Variants in ZNF804A observed in about 807,000 individuals in gnomAD.
ZNF804A encodes zinc finger protein 804A.
In ZNF804A, 2 loss-of-function variants were observed where a neutral mutation model predicts 16.5. The observed-to-expected ratio is 0.12, with a 90% CI of 0.05 to 0.38. ZNF804A has a LOEUF of 0.38. ZNF804A is among the 10% of genes least tolerant of loss of function. ZNF804A has a pLI of 0.99. For synonymous variants in ZNF804A, 534 were observed against 489.6 expected (o/e 1.09, Z -1.20); for missense variants, 1,473 against 1,390.7 (o/e 1.06, Z -0.94).
At chr2:184,822,554 C>A (rs539487647) in intron 1 of ZNF804A, among the ~76,000 whole-genome samples, 1 of 152,078 alleles carries the variant, frequency 6.6e-6, no homozygotes, top group African/African-American at 2.4e-5. Flanking sequence ...AGGAGACATA[C>A]ATGAGATTGA....
chr2:184,744,076 G>C (rs1693748739), intron 1 of ZNF804A, among the ~76,000 whole-genome samples: 1 of 151,712 alleles, frequency 6.6e-6, no homozygotes, highest in African/African-American at 2.4e-5. Flanking sequence ...TTGTTAATGG[G>C]CACAAATAAC....
At chr2:184,704,834 TA>T (rs1225146241) in intron 1 of ZNF804A, among the ~76,000 whole-genome samples, 3 of 152,202 alleles carry the variant, frequency 2.0e-5, no homozygotes, top group African/African-American at 7.2e-5. Flanking sequence ...CACTGGTCGC[TA>T]ACAACTGACT....
At chr2:184,833,312 G>C (rs1695294828) in intron 1 of ZNF804A, among the ~76,000 whole-genome samples, 1 of 151,894 alleles carries the variant, frequency 6.6e-6, no homozygotes, top group Admixed American at 6.6e-5. Flanking sequence ...GTTCCTTAAT[G>C]ATTCCTTATT....
intron 1 of ZNF804A, among the ~76,000 whole-genome samples, chr2:184,622,617 A>G (rs1691436965): frequency 6.6e-6 from 1 of 151,828 alleles, no homozygotes; most frequent in South Asian, 2.1e-4. Context: ...CTTTTTGTCG[A>G]TTTCAATAAT....
At chr2:184,695,109 C>T (rs908866689) in intron 1 of ZNF804A, among the ~76,000 whole-genome samples, 5 of 152,108 alleles carry the variant, frequency 3.3e-5, no homozygotes, top group African/African-American at 1.2e-4. Flanking sequence ...AATGGAAATA[C>T]CTTAGTTTAT....
At chr2:184,889,258 G>T (rs1684944970) in intron 2 of ZNF804A, among the ~76,000 whole-genome samples, 2 of 150,316 alleles carry the variant, frequency 1.3e-5, no homozygotes, top group Non-Finnish European at 1.5e-5. Context: ...TTTTAACCTT[G>T]TTTTAAGGAT....
At chr2:184,781,984 T>G (rs555655711) in intron 1 of ZNF804A, among the ~76,000 whole-genome samples, 2 of 151,966 alleles carry the variant, frequency 1.3e-5, no homozygotes, top group African/African-American at 4.8e-5. Flanking sequence ...TGGCCATTTC[T>G]TCTTGTATCT....
At chr2:184,697,659 T>A (rs1006037264) in intron 1 of ZNF804A, among the ~76,000 whole-genome samples, 3 of 152,102 alleles carry the variant, frequency 2.0e-5, no homozygotes, top group African/African-American at 7.2e-5. Flanking sequence ...TCAAAATAGT[T>A]TAGTTGTCCT....
chr2:184,698,218 G>A (rs942781485), intron 1 of ZNF804A, among the ~76,000 whole-genome samples: 2 of 151,986 alleles, frequency 1.3e-5, no homozygotes, highest in Admixed American at 1.3e-4. Flanking sequence ...GATGTATACA[G>A]TTTAGTTTGC....
At chr2:184,927,715 T>C (rs1180543956) in intron 2 of ZNF804A, among the ~76,000 whole-genome samples, 1 of 152,162 alleles carries the variant, frequency 6.6e-6, no homozygotes, top group African/African-American at 2.4e-5. Context: ...TTCCCATTTA[T>C]GCCTCCCATT....
At chr2:184,873,169 T>A (rs1027209897) in intron 2 of ZNF804A, among the ~76,000 whole-genome samples, 2 of 152,194 alleles carry the variant, frequency 1.3e-5, no homozygotes, top group African/African-American at 4.8e-5. Flanking sequence ...ATCTAGGGAA[T>A]TATTTTTGTG....
intron 1 of ZNF804A, among the ~76,000 whole-genome samples, chr2:184,742,228 T>A (rs1693719183): frequency 6.6e-6 from 1 of 152,044 alleles, no homozygotes; most frequent in African/African-American, 2.4e-5. Flanking sequence ...ATCATTATGA[T>A]AATAAGCTTA....
chr2:184,849,442 T>C (rs1447665120), intron 1 of ZNF804A, among the ~76,000 whole-genome samples: 1 of 151,990 alleles, frequency 6.6e-6, no homozygotes, highest in Non-Finnish European at 1.5e-5. Context: ...CTGCTAATAA[T>C]GCAGAAGAAT....
At chr2:184,784,776 C>A (rs1694422294) in intron 1 of ZNF804A, among the ~76,000 whole-genome samples, 1 of 151,962 alleles carries the variant, frequency 6.6e-6, no homozygotes, top group Non-Finnish European at 1.5e-5. Flanking sequence ...TAACTCACCA[C>A]ATGTAACAAA....
chr2:184,789,022 A>C lies in ZNF804A; in HGVS notation c.112-77347A>C, dbSNP rs147377019. On this transcript the variant is annotated intron_variant, in intron 1 of 3. Coordinates refer to ENST00000302277, the MANE Select transcript of ZNF804A (RefSeq NM_194250.2). ...TTGAAATATATTCTATTTATGTCCT[A>C]GTTTGTTGAAGGTTTTTAGCATGAA... is the stretch of plus-strand genomic sequence containing the variant. 4.9e-3 allele frequency among the ~76,000 whole-genome samples: 738 copies of C among 151,998 alleles called. 3 individuals carry two copies. The highest frequency in any genetic ancestry group is 0.017 in the African/African-American group (704 of 41,480).
intron 1 of ZNF804A, among the ~76,000 whole-genome samples, chr2:184,703,775 T>C (rs1471558754): frequency 6.6e-6 from 1 of 151,446 alleles, no homozygotes; most frequent in African/African-American, 2.4e-5. Context: ...AAGAGCTGTA[T>C]ATTTTGAATG....
At chr2:184,909,131 T>C (rs1685321090) in intron 2 of ZNF804A, among the ~76,000 whole-genome samples, 1 of 152,126 alleles carries the variant, frequency 6.6e-6, no homozygotes, top group Non-Finnish European at 1.5e-5. Flanking sequence ...AATTCATCTC[T>C]GGACTATTGT....
chr2:184,793,136 G>T (rs1694576177), intron 1 of ZNF804A, among the ~76,000 whole-genome samples: 1 of 152,022 alleles, frequency 6.6e-6, no homozygotes, highest in Non-Finnish European at 1.5e-5. Context: ...AGTATTCCAT[G>T]GTGTATATGT....
chr2:184,859,665 T>C (rs1454819726), intron 1 of ZNF804A, among the ~76,000 whole-genome samples: 1 of 152,204 alleles, frequency 6.6e-6, no homozygotes, highest in African/African-American at 2.4e-5. Flanking sequence ...TCCTTGGTTT[T>C]TCATGGTTCT....
Sources: allele counts gnomAD v4.1 joint callset (sites outside exome capture counted in the v4.1 genomes callset), GRCh38; gene constraint gnomAD v4.1.1; transcripts MANE v1.5; gene names NCBI Gene and HGNC (gene_info 2026-07-23, HGNC 2026-07-21).